Variants in VWCE observed in about 807,000 individuals in gnomAD.
VWCE encodes the protein von Willebrand factor C and EGF domain-containing protein.
Under a neutral mutation model 102.9 loss-of-function variants are expected in VWCE, and 68 were observed. The observed-to-expected ratio is 0.66, with a 90% CI of 0.54 to 0.81. VWCE has a LOEUF of 0.81. VWCE is among the 30% of genes least tolerant of loss of function. The pLI is 0.00. For synonymous variants in VWCE, 497 were observed against 515.4 expected, an observed-to-expected ratio of 0.96 and a Z score of 0.48; for missense variants, 1,137 against 1,263.6, an observed-to-expected ratio of 0.90 and a Z score of 1.52.
In VWCE at chr11:61,274,483, C is replaced by G; in HGVS notation, c.1581+16G>C. ...TCCATCAATTCCACAGGCTTTGGGACGCTCAGCCACCATACCTGGCAAACA... is the reference window on the plus strand; with the variant it reads ...TCCATCAATTCCACAGGCTTTGGGAGGCTCAGCCACCATACCTGGCAAACA... On this transcript the variant is annotated intron_variant, in intron 12 of 19. Coordinates refer to ENST00000335613, the MANE Select transcript of VWCE (RefSeq NM_152718.2). The G allele has an allele frequency of 1.9e-6, 3 of 1,611,084 alleles. No individual in the cohort carries two copies. The highest frequency in any genetic ancestry group is 2.5e-6 in the Non-Finnish European group (3 of 1,178,682).
At chr11:61,266,352 CA>C (rs1427435127) in intron 16 of VWCE, among the ~76,000 whole-genome samples, 5 of 152,196 alleles carry the variant, frequency 3.3e-5, no homozygotes, top group Admixed American at 2.6e-4. Flanking sequence ...CCAGCCTGAG[CA>C]ATACAACACG....
At position 61,258,996 on chromosome 11, in the gene VWCE, C is replaced by G. The variant is rs764670496; in HGVS notation, c.2547G>C (p.Ser849=). The G allele has an allele frequency of 2.5e-6, 4 of 1,611,634 alleles. No homozygotes were observed. Among genetic ancestry groups the G allele is most frequent in the Admixed American group, 3.4e-5 (2 of 59,698 alleles). ...GTAGAGTGGGGGCTCCTGGAGGGGT[C>G]GAAGGCCCTGGTGAGAGTCGAGGGG... ...GASPRLSPGP[S]TPPGAPTLPL... is the part of the protein sequence containing the mutation. Residue 849 remains serine, a synonymous_variant, in exon 20 of 20, where the codon TCG becomes TCC. Coordinates refer to ENST00000335613, the MANE Select transcript of VWCE (RefSeq NM_152718.2).
chr11:61,276,517 C>T, intron 11 of VWCE, 76 bp downstream of exon 11: 1 of 1,158,796 alleles, frequency 8.6e-7, no homozygotes, highest in Non-Finnish European at 1.1e-6. Flanking sequence ...TCAACACCAG[C>T]CTGGGCAACA....
In VWCE at chr11:61,259,016, G is replaced by A. The variant is rs145995198; in HGVS notation, c.2527C>T (p.Arg843Ter). 4.8e-5 allele frequency: 78 copies of A among 1,613,778 alleles called. No homozygotes were observed. The African/African-American group carries it at 6.9e-4, about 14-fold the overall frequency. ...TFPGEPGASP[R>*]LSPGPSTPPG... ...GGGGTCGAAGGCCCTGGTGAGAGTC[G>A]AGGGGAGGCCCCAGGCTCCCCTGGG... The change falls in exon 20 of 20, where the codon CGA becomes TGA. Residue 843 changes from arginine (R) to a stop codon, truncating the protein, a stop_gained. Coordinates refer to ENST00000335613, the MANE Select transcript of VWCE (RefSeq NM_152718.2). LOFTEE classifies it low-confidence loss of function (END_TRUNC).
At chr11:61,279,930 G>A (rs1195310895) in intron 9 of VWCE, among the ~76,000 whole-genome samples, 1 of 152,110 alleles carries the variant, frequency 6.6e-6, no homozygotes, top group Non-Finnish European at 1.5e-5. Context: ...CCTCCCTATA[G>A]ACACGGGGCT....
At chr11:61,269,355 A>G (rs1341997782) in intron 14 of VWCE, 3 of 317,480 alleles carry the variant, frequency 9.4e-6, no homozygotes, top group Non-Finnish European at 1.8e-5. Flanking sequence ...CCAGGAACCT[A>G]CAGAGTACCA....
At chr11:61,263,354 C>T (rs1590610046) in intron 19 of VWCE, among the ~76,000 whole-genome samples, 1 of 149,532 alleles carries the variant, frequency 6.7e-6, no homozygotes, top group East Asian at 2.0e-4. Context: ...ATGGATGAAA[C>T]TGGAGGACAT....
At chr11:61,263,243 G>C (rs548604242) in intron 19 of VWCE, among the ~76,000 whole-genome samples, 11 of 151,490 alleles carry the variant, frequency 7.3e-5, no homozygotes, top group African/African-American at 2.4e-4. Flanking sequence ...GGAGGCAAAG[G>C]TTGCAGTGAG....
intron 16 of VWCE, among the ~76,000 whole-genome samples, chr11:61,265,820 A>G (rs1288033121): frequency 6.6e-6 from 1 of 152,110 alleles, no homozygotes; most frequent in Non-Finnish European, 1.5e-5. Flanking sequence ...CTGAGGCAGG[A>G]GGATCATTTG....
intron 4 of VWCE, 66 bp from the exon 5 acceptor site, chr11:61,286,496 T>C (rs2134837152): frequency 6.7e-7 from 1 of 1,502,376 alleles, no homozygotes; most frequent in Middle Eastern, 1.7e-4. Flanking sequence ...CATTTGTCAG[T>C]GTCTGGGAAG....
Position 61,294,942 on chromosome 11 carries a change from G to A in VWCE, c.96C>T (p.His32=). 1 of 1,445,994 alleles carries A rather than the reference G, an allele frequency of 6.9e-7. No individual in the cohort carries two copies. Among genetic ancestry groups the A allele is most frequent in the Non-Finnish European group, 9.1e-7 (1 of 1,098,654 alleles). The allele number at this position is 1,445,994 out of a possible 1,614,324, so 89.6% of individuals were successfully genotyped here. A position where few individuals can be genotyped will look rare whatever the true frequency, so the allele number is the denominator to read the frequency against. ...RGYTGRKPPG[H]FAAERRRLGP... ...CGGGCGCTTACCTCTCGGCCGCGAA[G>A]TGCCCGGGCGGCTTCCTCCCGGTGT... Residue 32 remains histidine, a synonymous_variant, in exon 1 of 20, where the codon CAC becomes CAT. Transcript: ENST00000335613. This position sits in a 1 kb window ranked among gnomAD's most constrained non-coding sequence, Gnocchi z 6.3.
In VWCE at chr11:61,264,506, G is replaced by C. The variant is rs1854451335; in HGVS notation, c.2211C>G (p.Asp737Glu). The change falls in exon 19 of 20, where the codon GAC (aspartate) becomes GAG (glutamate). Residue 737 changes from aspartate to glutamate, a missense_variant. This residue lies in a region of VWCE where 316 missense variants were observed against 319.3 expected (regional missense o/e 0.99). Coordinates refer to ENST00000335613, the MANE Select transcript of VWCE (RefSeq NM_152718.2). ...ACTTACCTGGACAGGAAGAGCAGCA[G>C]TCCCCAGGAAGCAGGGCAGGGTCGG... ...ACADPALLPG[D>E]CCSSCPDSLS... 1.2e-6 allele frequency: 2 copies of C among 1,613,528 alleles called. No individual in the cohort carries two copies. Among genetic ancestry groups the C allele is most frequent in the Non-Finnish European group, 8.5e-7 (1 of 1,179,840 alleles).
chr11:61,289,448 C>T (rs1439476440), intron 4 of VWCE, among the ~76,000 whole-genome samples: 1 of 151,806 alleles, frequency 6.6e-6, no homozygotes, highest in African/African-American at 2.4e-5. Context: ...CAGGGTTTCA[C>T]CATGTTGGCC....
At chr11:61,271,563 G>A (rs71490316) in intron 14 of VWCE, 112 bp downstream of exon 14, 16,221 of 987,510 alleles carry the variant, frequency 0.016, 390 homozygotes, top group Admixed American at 0.093. Flanking sequence ...GCACCGGAGG[G>A]AGACTGCGGC....
At chr11:61,271,859 A>G in intron 13 of VWCE, 99 bp from the exon 14 acceptor site, 1 of 1,031,524 alleles carries the variant, frequency 9.7e-7, no homozygotes, top group East Asian at 2.6e-5. Context: ...ACAGACACCG[A>G]TATCACTCAC....
Position 61,281,024 on chromosome 11 carries a change from AG to A in VWCE, c.998del (p.Pro333LeufsTer32), listed in dbSNP as rs2134813417. On this transcript the variant is annotated frameshift_variant, in exon 8 of 20. Coordinates refer to ENST00000335613, the MANE Select transcript of VWCE (RefSeq NM_152718.2). LOFTEE classifies it high-confidence loss of function. ...PRLPTSSPSA[P>X]VWLLSTLLAT... ...CCAGCAGGGTGGACAGCAGCCACAC[AG>A]GGGCAGAAGGGGAGGATGTGGGTAG... 2 of 1,570,000 alleles carry A rather than the reference AG, an allele frequency of 1.3e-6. No individual in the cohort carries two copies. Among genetic ancestry groups the A allele is most frequent in the Non-Finnish European group, 1.7e-6 (2 of 1,157,620 alleles).
chr11:61,283,316 C>A (rs1432661275), intron 5 of VWCE, among the ~76,000 whole-genome samples: 1 of 152,196 alleles, frequency 6.6e-6, no homozygotes, highest in African/African-American at 2.4e-5. Context: ...AGCAATGCCG[C>A]CCCATAGCTC....
intron 13 of VWCE, 114 bp from the exon 14 acceptor site, chr11:61,271,874 G>A (rs918534542): frequency 1.7e-5 from 15 of 887,828 alleles, no homozygotes; most frequent in African/African-American, 6.6e-5. Context: ...ACTCACACAC[G>A]GACACACAAA....
At chr11:61,274,199 G>A (rs570413295) in intron 12 of VWCE, among the ~76,000 whole-genome samples, 1 of 152,102 alleles carries the variant, frequency 6.6e-6, no homozygotes, top group Non-Finnish European at 1.5e-5. Flanking sequence ...AGGAGCCCTG[G>A]GCACCCGGCC....
Sources: allele counts gnomAD v4.1 joint callset (sites outside exome capture counted in the v4.1 genomes callset), GRCh38; gene constraint gnomAD v4.1.1; regional missense constraint gnomAD v4.1.1; non-coding constraint Gnocchi (gnomAD v3.1); transcripts MANE v1.5; gene names NCBI Gene and HGNC (gene_info 2026-07-23, HGNC 2026-07-21).